Variants in DNAH6 observed in about 807,000 individuals in gnomAD.
The protein encoded by DNAH6 is axonemal beta dynein heavy chain 6.
DNAH6 carries 340 observed loss-of-function variants against 491.4 expected under a neutral mutation model. The ratio of observed to expected loss-of-function variants is 0.69; its 90% CI spans 0.63 to 0.76. DNAH6 has a LOEUF of 0.76. DNAH6 is among the 30% of genes least tolerant of loss of function. The pLI is 0.00. For synonymous variants in DNAH6, 1,603 were observed against 1,686.1 expected, an observed-to-expected ratio of 0.95 and a Z score of 1.21; for missense variants, 4,443 against 4,972.2, an observed-to-expected ratio of 0.89 and a Z score of 3.20.
At chr2:84,519,920 TTTCATG>T (rs1675985361) in intron 2 of DNAH6, among the ~76,000 whole-genome samples, 1 of 152,062 alleles carries the variant, frequency 6.6e-6, no homozygotes, top group African/African-American at 2.4e-5. Flanking sequence ...TTTGTAATAT[TTTCATG>T]AAAATATTAC....
At chr2:84,746,993 C>T (rs1673031465) in intron 63 of DNAH6, among the ~76,000 whole-genome samples, 2 of 152,094 alleles carry the variant, frequency 1.3e-5, no homozygotes, top group Admixed American at 6.5e-5. Context: ...GGAGAGGGCA[C>T]CAAGCAATTT....
At chr2:84,771,126 T>C (rs1399721486) in intron 64 of DNAH6, among the ~76,000 whole-genome samples, 3 of 151,876 alleles carry the variant, frequency 2.0e-5, no homozygotes, top group African/African-American at 4.8e-5. Context: ...CTGTCTCTAC[T>C]AAAAGTACAA....
intron 62 of DNAH6, among the ~76,000 whole-genome samples, chr2:84,734,029 C>G (rs1699328424): frequency 6.6e-6 from 1 of 151,988 alleles, no homozygotes; most frequent in South Asian, 2.1e-4. Flanking sequence ...CCAGAATCCC[C>G]TTATTCTCTC....
At chr2:84,695,481 T>TTA (rs1269321323) in intron 46 of DNAH6, among the ~76,000 whole-genome samples, 3 of 152,112 alleles carry the variant, frequency 2.0e-5, no homozygotes, top group African/African-American at 7.2e-5. Flanking sequence ...TTCTTTTACG[T>TTA]TATACTCAAA....
intron 9 of DNAH6, among the ~76,000 whole-genome samples, chr2:84,550,866 T>G (rs1679278178): frequency 6.6e-6 from 1 of 152,082 alleles, no homozygotes; most frequent in Admixed American, 6.5e-5. Flanking sequence ...AAGAAGCAAA[T>G]TATTGTGCTT....
At chr2:84,582,226 G>A (rs888434015) in intron 14 of DNAH6, among the ~76,000 whole-genome samples, 1 of 152,270 alleles carries the variant, frequency 6.6e-6, no homozygotes, top group Non-Finnish European at 1.5e-5. Flanking sequence ...CTAAAGTATG[G>A]ATAGAGCCAG....
intron 22 of DNAH6, 61 bp downstream of exon 22, chr2:84,611,915 A>G: frequency 7.1e-7 from 1 of 1,400,502 alleles, no homozygotes; most frequent in Non-Finnish European, 9.6e-7. Context: ...CTGGGACTTT[A>G]GTCCCAGACT....
Position 84,640,496 on chromosome 2 carries a change from A to C in DNAH6, c.4888A>C (p.Lys1630Gln), listed in dbSNP as rs1689285802. ...ILARKMTQMYKLCSEQLSQQD... is the reference protein window; with the variant it reads ...ILARKMTQMYQLCSEQLSQQD... The stretch of plus-strand genomic sequence containing the variant: ...AGCAAGAAAAATGACTCAGATGTAT[A>C]AGCTTTGCAGTGAGCAGCTGTCTCA... Residue 1630 changes from lysine to glutamine, a missense_variant, in exon 32 of 77, where the codon AAG (lysine) becomes CAG (glutamine). Around this residue, in one of 3 missense-constraint regions of DNAH6, gnomAD observed 2,977 missense variants for 3,296.6 expected, o/e 0.90. Transcript: ENST00000389394. 1 of 1,550,622 alleles carries C rather than the reference A, an allele frequency of 6.4e-7. No homozygotes were observed. The highest frequency in any genetic ancestry group is 1.4e-5 in the African/African-American group (1 of 73,010).
At chr2:84,632,096 C>T (rs1269581909) in intron 29 of DNAH6, among the ~76,000 whole-genome samples, 1 of 152,184 alleles carries the variant, frequency 6.6e-6, no homozygotes, top group African/African-American at 2.4e-5. Context: ...TTGTTGAAAA[C>T]AAAGAATTGG....
At chr2:84,770,699 C>A (rs1429627084) in intron 64 of DNAH6, among the ~76,000 whole-genome samples, 2 of 152,006 alleles carry the variant, frequency 1.3e-5, no homozygotes, top group African/African-American at 4.8e-5. Flanking sequence ...ACAAACAGAA[C>A]CTGCCAGGTG....
chr2:84,815,875 G>T lies in DNAH6; in HGVS notation c.12165G>T (p.Glu4055Asp). ...GTATCTTTCAGTTGCCCTCTCCTGA[G>T]GATGGTGTTCTTGTTCATGGGATGT... is the stretch of plus-strand genomic sequence containing the variant. ...LPMDMELPSP[E>D]DGVLVHGMFM... is the part of the protein sequence containing the mutation. The change falls in exon 76 of 77, where the codon GAG (glutamate) becomes GAT (aspartate). Residue 4055 changes from glutamate to aspartate, a missense_variant. Coordinates refer to ENST00000389394, the MANE Select transcript of DNAH6 (RefSeq NM_001370.2). 3 of 1,551,254 alleles carry T rather than the reference G, an allele frequency of 1.9e-6. No homozygotes were observed. The highest frequency in any genetic ancestry group is 1.4e-5 in the African/African-American group (1 of 73,116).
intron 45 of DNAH6, among the ~76,000 whole-genome samples, chr2:84,693,356 G>C (rs1695057193): frequency 1.3e-5 from 2 of 151,844 alleles, no homozygotes; most frequent in Non-Finnish European, 2.9e-5. Context: ...CAGTTTAGTG[G>C]ATTTTCCATC....
chr2:84,786,280 G>T (rs188969294), intron 67 of DNAH6, among the ~76,000 whole-genome samples: 1 of 152,010 alleles, frequency 6.6e-6, no homozygotes, highest in East Asian at 1.9e-4. Flanking sequence ...TTAAAAAATA[G>T]CCAGGCATGG....
intron 73 of DNAH6, 146 bp from the exon 74 acceptor site, chr2:84,812,912 C>G (rs1002310639): frequency 1.5e-6 from 1 of 658,896 alleles, no homozygotes; most frequent in Non-Finnish European, 2.7e-6. Context: ...AAGGGGAATG[C>G]GGCAGGCAGT....
Position 84,663,769 on chromosome 2 carries a change from A to C in DNAH6, c.6084+4600A>C, listed in dbSNP as rs538221573. Among the ~76,000 whole-genome samples, 4 of 152,332 alleles carry C rather than the reference A, an allele frequency of 2.6e-5. No individual in the cohort carries two copies. In the East Asian group the frequency reaches 7.7e-4, roughly 29 times the overall value. ...GAACGCCACAAAGATACTCCTTGTGAAGAGCAACTCCAAGACACACAATTG... is the reference window on the plus strand; with the variant it reads ...GAACGCCACAAAGATACTCCTTGTGCAGAGCAACTCCAAGACACACAATTG... On this transcript the variant is annotated intron_variant, in intron 37 of 76. Transcript: ENST00000389394.
chr2:84,812,300 G>A (rs1370825570), intron 72 of DNAH6, 41 bp from the exon 73 acceptor site: 2 of 1,522,872 alleles, frequency 1.3e-6, no homozygotes, highest in Admixed American at 4.0e-5. Flanking sequence ...ACTGGATAAT[G>A]ACATCTGCAA....
At position 84,525,550 on chromosome 2, in the gene DNAH6, C is replaced by T. The variant is rs763494938; in HGVS notation, c.226-15C>T. ...AATGTTAATAAAAATTAACATGTCT[C>T]TCTATTTCCCAAAGCCAGTGCTAAA... On this transcript the variant is annotated splice_polypyrimidine_tract_variant and intron_variant, in intron 2 of 76. Coordinates refer to ENST00000389394, the MANE Select transcript of DNAH6 (RefSeq NM_001370.2). 1 of 1,532,348 alleles carries T rather than the reference C, an allele frequency of 6.5e-7. No individual in the cohort carries two copies. The highest frequency in any genetic ancestry group is 1.3e-5 in the South Asian group (1 of 79,470). The allele number at this position is 1,532,348 out of a possible 1,614,324, so 94.9% of individuals were successfully genotyped here.
chr2:84,645,329 G>A (rs923070007), intron 33 of DNAH6, among the ~76,000 whole-genome samples: 3 of 152,202 alleles, frequency 2.0e-5, no homozygotes, highest in African/African-American at 7.2e-5. Flanking sequence ...TGAGGCAGGA[G>A]AATCACTTGA....
At chr2:84,782,760 G>C (rs1430743372) in intron 65 of DNAH6, among the ~76,000 whole-genome samples, 3 of 152,160 alleles carry the variant, frequency 2.0e-5, no homozygotes, top group Admixed American at 6.5e-5. Context: ...ATGACAAGGA[G>C]GTCTTCAGTA....
Sources: allele counts gnomAD v4.1 joint callset (sites outside exome capture counted in the v4.1 genomes callset), GRCh38; gene constraint gnomAD v4.1.1; regional missense constraint gnomAD v4.1.1; transcripts MANE v1.5; gene names NCBI Gene and HGNC (gene_info 2026-07-23, HGNC 2026-07-21).